The following EPC2 variants were observed in gnomAD, a reference collection of about 807,000 sequenced individuals.
EPC2 encodes enhancer of polycomb homolog 2.
In EPC2, 14 loss-of-function variants were observed where a neutral mutation model predicts 92.1. The ratio of observed to expected loss-of-function variants is 0.15; its 90% CI spans 0.10 to 0.24. The LOEUF (loss-of-function observed/expected upper bound fraction) is 0.24, where lower values mean the gene tolerates loss of function less well. Ranked by LOEUF, EPC2 falls within the 10% of genes least tolerant of loss-of-function variation. The probability of loss-of-function intolerance (pLI) is 1.00; values close to 1 mark genes in which losing one functional copy is unlikely to be tolerated. For synonymous variants in EPC2, 340 were observed against 334.7 expected (o/e 1.02, Z -0.17); for missense variants, 755 against 971.5 (o/e 0.78, Z 2.96).
chr2:148,663,592 A>ATTTTT (rs56911412), intron 1 of EPC2, among the ~76,000 whole-genome samples: 14 of 74,344 alleles, frequency 1.9e-4, no homozygotes, highest in African/African-American at 5.6e-4. Flanking sequence ...ATAGATTAAG[A>ATTTTT]TTTTTTTTTT....
intron 1 of EPC2, among the ~76,000 whole-genome samples, chr2:148,658,607 G>GTATA (rs3076616): frequency 0.013 from 1,865 of 141,198 alleles, 65 homozygotes; most frequent in East Asian, 0.11. Context: ...GTGTGTGTGT[G>GTATA]TATATATATA....
At chr2:148,773,053 T>G (rs1171638433) in intron 10 of EPC2, among the ~76,000 whole-genome samples, 3 of 152,148 alleles carry the variant, frequency 2.0e-5, no homozygotes, top group Non-Finnish European at 4.4e-5. Flanking sequence ...TGTCAGATAT[T>G]TGCAGCTTTC....
At chr2:148,701,681 C>T (rs1200028535) in intron 2 of EPC2, among the ~76,000 whole-genome samples, 1 of 152,110 alleles carries the variant, frequency 6.6e-6, no homozygotes, top group Admixed American at 6.6e-5. Context: ...AGCTATTCGT[C>T]TGTCATTTTC....
In EPC2 at chr2:148,786,607, GTAGA is replaced by G; in HGVS notation, c.*233_*236del. 2.7e-6 allele frequency: 1 copy of G among 369,648 alleles called. No individual in the cohort carries two copies. Among genetic ancestry groups the G allele is most frequent in the Non-Finnish European group, 4.9e-6 (1 of 203,648 alleles). 22.9% of individuals were successfully genotyped at this position (369,648 alleles called of 1,614,324 possible). Reference sequence around the variant, plus strand: ...CAATATTATTTCTGTTACTTGAATAGTAGATATTCATCATCATGCTTTTGCACTT... The same window carrying G: ...CAATATTATTTCTGTTACTTGAATAGTATTCATCATCATGCTTTTGCACTT... On this transcript the variant is annotated 3_prime_UTR_variant, in exon 14 of 14. Coordinates refer to ENST00000258484, the MANE Select transcript of EPC2 (RefSeq NM_015630.4).
intron 1 of EPC2, among the ~76,000 whole-genome samples, chr2:148,663,168 C>A (rs1445405347): frequency 6.7e-6 from 1 of 148,992 alleles, no homozygotes; most frequent in Non-Finnish European, 1.5e-5. Flanking sequence ...GGGACAGATG[C>A]CTCAAAAGGT....
chr2:148,726,742 G>C (rs527469276), intron 2 of EPC2, among the ~76,000 whole-genome samples: 4 of 98,344 alleles, frequency 4.1e-5, no homozygotes, highest in African/African-American at 1.5e-4. Context: ...TTGCTTTTGG[G>C]TTTTTTTTTT....
At chr2:148,703,721 G>C (rs1681933873) in intron 2 of EPC2, among the ~76,000 whole-genome samples, 1 of 152,068 alleles carries the variant, frequency 6.6e-6, no homozygotes, top group Admixed American at 6.6e-5. Context: ...TTTAGACACA[G>C]GATCTCACTT....
intron 1 of EPC2, among the ~76,000 whole-genome samples, chr2:148,664,013 A>G (rs1681009803): frequency 6.6e-6 from 1 of 152,166 alleles, no homozygotes. Flanking sequence ...TTCAGTGGTT[A>G]CTTGGAACTA....
intron 2 of EPC2, among the ~76,000 whole-genome samples, chr2:148,729,603 G>C (rs971439938): frequency 6.6e-6 from 1 of 152,116 alleles, no homozygotes; most frequent in Non-Finnish European, 1.5e-5. Flanking sequence ...AACTATTACT[G>C]TCCTTCACCC....
At chr2:148,691,462 A>T (rs898605868) in intron 2 of EPC2, 11 of 1,499,756 alleles carry the variant, frequency 7.3e-6, no homozygotes, top group Non-Finnish European at 1.0e-5. Context: ...TGTGATTCTG[A>T]AACATCACCA....
At chr2:148,683,834 G>C (rs1428494811) in intron 1 of EPC2, among the ~76,000 whole-genome samples, 1 of 152,162 alleles carries the variant, frequency 6.6e-6, no homozygotes, top group Admixed American at 6.5e-5. Context: ...CTGTAAATGC[G>C]TGCAAGTGTC....
chr2:148,649,245 G>T (rs975203508), intron 1 of EPC2, among the ~76,000 whole-genome samples: 1 of 152,132 alleles, frequency 6.6e-6, no homozygotes, highest in African/African-American at 2.4e-5. Context: ...TATATACAGT[G>T]TGGAGTTTGA....
chr2:148,677,158 T>C (rs1681283666), intron 1 of EPC2, among the ~76,000 whole-genome samples: 1 of 152,332 alleles, frequency 6.6e-6, no homozygotes, highest in East Asian at 1.9e-4. Context: ...TAAAAACGTT[T>C]ACTGTATTTT....
intron 1 of EPC2, among the ~76,000 whole-genome samples, chr2:148,651,969 C>T (rs1302060252): frequency 6.6e-6 from 1 of 152,182 alleles, no homozygotes; most frequent in East Asian, 1.9e-4. Flanking sequence ...TCTTGCTTCA[C>T]CGTTGTACTG....
At chr2:148,782,946 A>G (rs1246145302) in intron 11 of EPC2, among the ~76,000 whole-genome samples, 2 of 152,198 alleles carry the variant, frequency 1.3e-5, no homozygotes, top group African/African-American at 4.8e-5. Context: ...GAATCTGCCC[A>G]TTGTAGTTCA....
At chr2:148,711,655 T>C (rs180733322) in intron 2 of EPC2, among the ~76,000 whole-genome samples, 2 of 152,312 alleles carry the variant, frequency 1.3e-5, no homozygotes, top group Admixed American at 1.3e-4. Context: ...TTGCTTGCTG[T>C]ATCTGTCCAT....
In EPC2 at chr2:148,733,479, A is replaced by ATTTTTTTTTTTTTTTTTTTTTTTT. The variant is rs34219179; in HGVS notation, c.314-10130_314-10107dup. Reference sequence around the variant, plus strand: ...CTTTCTCTTTTCTTTCTCTCTCTGGATTTTTTTTTTTTTTTTTTTTTTTTT... The same window carrying ATTTTTTTTTTTTTTTTTTTTTTTT: ...CTTTCTCTTTTCTTTCTCTCTCTGGATTTTTTTTTTTTTTTTTTTTTTTTTTTTTTTTTTTTTTTTTTTTTTTTT... On this transcript the variant is annotated intron_variant, in intron 2 of 13. Coordinates refer to ENST00000258484, the MANE Select transcript of EPC2 (RefSeq NM_015630.4). 7.5e-5 allele frequency among the ~76,000 whole-genome samples: 2 copies of ATTTTTTTTTTTTTTTTTTTTTTTT among 26,648 alleles called. 1 individual carries two copies. Among genetic ancestry groups the ATTTTTTTTTTTTTTTTTTTTTTTT allele is most frequent in the African/African-American group, 2.6e-4 (2 of 7,692 alleles). 17.5% of individuals were successfully genotyped at this position (26,648 alleles called of 152,430 possible). A position where few individuals can be genotyped will look rare whatever the true frequency, so the allele number is the denominator to read the frequency against.
At chr2:148,653,736 C>T (rs1301707766) in intron 1 of EPC2, among the ~76,000 whole-genome samples, 1 of 150,942 alleles carries the variant, frequency 6.6e-6, no homozygotes. Flanking sequence ...AAGGACGTGT[C>T]TCATGTCTTG....
At chr2:148,726,751 T>G (rs1387503435) in intron 2 of EPC2, among the ~76,000 whole-genome samples, 2 of 147,094 alleles carry the variant, frequency 1.4e-5, no homozygotes, top group Non-Finnish European at 3.0e-5. Context: ...GGTTTTTTTT[T>G]TGTTTTGTTT....
Sources: gnomAD v4.1 joint callset for allele counts (sites outside exome capture counted in the v4.1 genomes callset) on GRCh38, gnomAD v4.1.1 for gene constraint, MANE v1.5 for transcripts, NCBI Gene and HGNC (gene_info 2026-07-23, HGNC 2026-07-21) for gene names.